ITIH6: variants seen among roughly 807,000 people sequenced by gnomAD.
The protein encoded by ITIH6 is inter-alpha-trypsin inhibitor heavy chain family member 6.
ITIH6 carries 60 observed loss-of-function variants against 58.2 expected under a neutral mutation model. The observed-to-expected ratio is 1.03, with a 90% CI of 0.84 to 1.28. The LOEUF (loss-of-function observed/expected upper bound fraction) is 1.28, where lower values mean the gene tolerates loss of function less well. Among genes scored for constraint, ITIH6 ranks in the 50% most tolerant of loss-of-function variants. The pLI is 0.00. For missense variants in ITIH6, 1,290 were observed against 1,021.1 expected, an observed-to-expected ratio of 1.26 and a Z score of -3.59; for synonymous variants, 493 against 417.4, an observed-to-expected ratio of 1.18 and a Z score of -2.21.
In ITIH6 at chrX:54,757,685, G is replaced by C; in HGVS notation, c.2389C>G (p.Leu797Val). 8.3e-7 allele frequency: 1 copy of C among 1,211,023 alleles called. No homozygotes were observed. The highest frequency in any genetic ancestry group is 2.3e-4 in the Middle Eastern group (1 of 4,354). Residue 797 changes from leucine to valine, a missense_variant, in exon 8 of 13, where the codon CTC (leucine) becomes GTC (valine). By Grantham distance (32) the Leu-to-Val change is conservative (BLOSUM62 1). Transcript: ENST00000218436. The part of the protein sequence containing the change: ...GAPSHPQLGA[L>V]TSQAPKGLPQ... ...AGGCCTTTAGGTGCCTGTGATGTGAGTGCCCCAAGTTGGGGGTGCGATGGA... is the reference window on the plus strand; with the variant it reads ...AGGCCTTTAGGTGCCTGTGATGTGACTGCCCCAAGTTGGGGGTGCGATGGA...
Position 54,756,997 on chromosome X carries a change from G to A in ITIH6, c.3077C>T (p.Ala1026Val). 5.8e-6 allele frequency: 7 copies of A among 1,201,102 alleles called. No individual in the cohort carries two copies. The highest frequency in any genetic ancestry group is 7.9e-6 in the Non-Finnish European group (7 of 889,615). Residue 1026 changes from alanine to valine, a missense_variant, in exon 8 of 13, where the codon GCT (alanine) becomes GTT (valine). Physicochemically the swap from Ala to Val is moderately conservative, Grantham distance 64. Transcript: ENST00000218436. Reference sequence around the variant, plus strand: ...ATCAGGAGTGAGGAAGGTATAGAAAGCTGGTGGGTTCAAGGACTCCACGAA... The same window carrying A: ...ATCAGGAGTGAGGAAGGTATAGAAAACTGGTGGGTTCAAGGACTCCACGAA... Reference protein sequence around the residue: ...SKFVESLNPPAFYTFLTPDED... With the variant: ...SKFVESLNPPVFYTFLTPDED...
intron 6 of ITIH6, among the ~76,000 whole-genome samples, chrX:54,761,005 A>G (rs960704886): frequency 9.0e-6 from 1 of 111,342 alleles, no homozygotes; most frequent in Admixed American, 9.5e-5. Context: ...TCCCTGAGGA[A>G]TCGCCACACT....
chrX:54,774,280 G>T, intron 5 of ITIH6, 83 bp from the exon 6 acceptor site: 2 of 453,928 alleles, frequency 4.4e-6, no homozygotes, highest in Non-Finnish European at 7.3e-6. Flanking sequence ...TTATTTTCCT[G>T]CATAACACTG....
intron 5 of ITIH6, among the ~76,000 whole-genome samples, chrX:54,777,536 C>T (rs778564102): frequency 3.6e-4 from 40 of 112,548 alleles, no homozygotes; most frequent in Non-Finnish European, 6.6e-4. Flanking sequence ...TCTGACCCAA[C>T]GCAGTCATAG....
Position 54,758,534 on chromosome X carries a change from G to T in ITIH6, c.1540C>A (p.Gln514Lys). 1 of 1,211,254 alleles carries T rather than the reference G, an allele frequency of 8.3e-7. No individual in the cohort carries two copies. Reference sequence around the variant, plus strand: ...GCTGCCAGGTGGATGCCCAGTTCCTGTTTGCCTGGCTGCACCTGTCCTGCC... The same window carrying T: ...GCTGCCAGGTGGATGCCCAGTTCCTTTTTGCCTGGCTGCACCTGTCCTGCC... ...VVAGQVQPGK[Q>K]ELGIHLAARG... Residue 514 changes from glutamine (Q) to lysine (K), a missense_variant, in exon 8 of 13, where the codon CAG (glutamine) becomes AAG (lysine). Coordinates refer to ENST00000218436, the MANE Select transcript of ITIH6 (RefSeq NM_198510.3).
intron 6 of ITIH6, among the ~76,000 whole-genome samples, chrX:54,773,695 A>C (rs1406102632): frequency 1.0e-5 from 1 of 99,793 alleles, no homozygotes; most frequent in Non-Finnish European, 2.1e-5. Context: ...CCTTTAAAGT[A>C]AAAAAAAAAA....
At chrX:54,777,042 C>T (rs750704571) in intron 5 of ITIH6, among the ~76,000 whole-genome samples, 21 of 112,142 alleles carry the variant, frequency 1.9e-4, no homozygotes, top group African/African-American at 6.1e-4. Flanking sequence ...ATCCAACTTC[C>T]GGGCCTGCCC....
chrX:54,757,501 G>T lies in ITIH6; in HGVS notation c.2573C>A (p.Pro858Gln). 8.3e-7 allele frequency: 1 copy of T among 1,210,899 alleles called. No individual in the cohort carries two copies. Among genetic ancestry groups the T allele is most frequent in the South Asian group, 1.8e-5 (1 of 56,925 alleles). Residue 858 changes from proline to glutamine, a missense_variant, in exon 8 of 13, where the codon CCG (proline) becomes CAG (glutamine). Physicochemically the swap from Pro to Gln is moderately conservative, Grantham distance 76. Transcript: ENST00000218436. Reference protein sequence around the residue: ...KTPKILLSLKPSAPPHQISTS... With the variant: ...KTPKILLSLKQSAPPHQISTS... ...GGAAATTTGGTGTGGTGGGGCACTC[G>T]GTTTAAGAGATAATAAGATTTTAGG...
chrX:54,779,453 TGTTAA>T (rs1026762338), intron 5 of ITIH6, among the ~76,000 whole-genome samples: 2 of 111,784 alleles, frequency 1.8e-5, no homozygotes, highest in African/African-American at 6.5e-5. Context: ...GTGCAAACAG[TGTTAA>T]GTTGTTATCA....
Position 54,798,195 on chromosome X carries a change from A to T in ITIH6, c.16T>A (p.Tyr6Asn), listed in dbSNP as rs1929478262. 8.5e-7 allele frequency: 1 copy of T among 1,173,425 alleles called. No individual in the cohort carries two copies. The highest frequency in any genetic ancestry group is 1.9e-5 in the South Asian group (1 of 52,210). The change falls in exon 1 of 13, where the codon TAC (tyrosine) becomes AAC (asparagine). Residue 6 changes from tyrosine to asparagine, a missense_variant. Coordinates refer to ENST00000218436, the MANE Select transcript of ITIH6 (RefSeq NM_198510.3). Reference sequence around the variant, plus strand: ...AGCAAAAAGCTGACACAGATGAGGTACCTCCACCCAGACATGATGCCACCT... The same window carrying T: ...AGCAAAAAGCTGACACAGATGAGGTTCCTCCACCCAGACATGATGCCACCT... Reference protein sequence around the residue: MSGWRYLICVSFLLTI... With the variant: MSGWRNLICVSFLLTI...
chrX:54,750,868 A>G, intron 12 of ITIH6, 135 bp downstream of exon 12: 1 of 671,284 alleles, frequency 1.5e-6, no homozygotes, highest in Non-Finnish European at 2.2e-6. Context: ...TCCTCTCCCA[A>G]GATGAGGAGC....
At chrX:54,792,540 A>G (rs1929368119) in intron 2 of ITIH6, among the ~76,000 whole-genome samples, 2 of 111,691 alleles carry the variant, frequency 1.8e-5, no homozygotes, top group African/African-American at 6.5e-5. Context: ...GGTAAATAAT[A>G]TGGCCATATT....
chrX:54,786,481 T>A (rs1458246384), intron 5 of ITIH6, among the ~76,000 whole-genome samples: 1 of 111,889 alleles, frequency 8.9e-6, no homozygotes, highest in Non-Finnish European at 1.9e-5. Context: ...TCCAGCCTTC[T>A]ATGTGGCTCT....
Position 54,749,457 on chromosome X carries a change from C to G in ITIH6, c.*438G>C. On this transcript the variant is annotated 3_prime_UTR_variant, in exon 13 of 13. Transcript: ENST00000218436. The stretch of plus-strand genomic sequence containing the variant: ...GGATTTGAAGGATGAATTATACTCA[C>G]CTACAGGAACAAAGGAAGAGTGTTT... 1.7e-5 allele frequency: 2 copies of G among 120,594 alleles called. No individual in the cohort carries two copies. Among genetic ancestry groups the G allele is most frequent in the Non-Finnish European group, 3.4e-5 (2 of 58,360 alleles). 9.9% of individuals were successfully genotyped at this position (120,594 alleles called of 1,213,427 possible). A position where few individuals can be genotyped will look rare whatever the true frequency, so the allele number is the denominator to read the frequency against.
At chrX:54,783,452 C>T (rs1410869209) in intron 5 of ITIH6, among the ~76,000 whole-genome samples, 1 of 111,925 alleles carries the variant, frequency 8.9e-6, no homozygotes, top group African/African-American at 3.2e-5. Flanking sequence ...AAAGATCCCA[C>T]AAAATATATT....
At chrX:54,795,331 A>T (rs1929421382) in intron 2 of ITIH6, among the ~76,000 whole-genome samples, 1 of 112,553 alleles carries the variant, frequency 8.9e-6, no homozygotes, top group South Asian at 3.7e-4. Flanking sequence ...TAATATTTAT[A>T]TGCTTCATAA....
Position 54,755,040 on chromosome X carries a change from C to T in ITIH6, c.3179G>A (p.Gly1060Glu), listed in dbSNP as rs1326311721. 1.2e-5 allele frequency: 15 copies of T among 1,209,283 alleles called. No individual in the cohort carries two copies. Among genetic ancestry groups the T allele is most frequent in the Non-Finnish European group, 1.7e-5 (15 of 894,319 alleles). ...ACCTTTTGCTAACCCCACAGAACTT[C>T]CTTGAGATTCCATGCTGCCTCCAGC... is the stretch of plus-strand genomic sequence containing the variant. Reference protein sequence around the residue: ...GGAGGSMESQGSSVGLAKGTL... With the variant: ...GGAGGSMESQESSVGLAKGTL... The change falls in exon 9 of 13, where the codon GGA (glycine) becomes GAA (glutamate). Residue 1060 changes from glycine to glutamate, a missense_variant. Gly to Glu is a moderately conservative substitution (Grantham distance 98). Coordinates refer to ENST00000218436, the MANE Select transcript of ITIH6 (RefSeq NM_198510.3).
Position 54,755,058 on chromosome X carries a change from C to T in ITIH6, c.3161G>A (p.Gly1054Asp), listed in dbSNP as rs753713377. 2 of 1,210,757 alleles carry T rather than the reference C, an allele frequency of 1.7e-6. No homozygotes were observed. The highest frequency in any genetic ancestry group is 3.0e-5 in the East Asian group (1 of 33,807). The stretch of plus-strand genomic sequence containing the variant: ...AGAACTTCCTTGAGATTCCATGCTG[C>T]CTCCAGCTCCTCCCAGGATCTCCTC... Reference protein sequence around the residue: ...NSEEILGGAGGSMESQGSSVG... With the variant: ...NSEEILGGAGDSMESQGSSVG... The change falls in exon 9 of 13, where the codon GGC becomes GAC. Residue 1054 changes from glycine to aspartate, a missense_variant. Physicochemically the swap from Gly to Asp is moderately conservative, Grantham distance 94. Coordinates refer to ENST00000218436, the MANE Select transcript of ITIH6 (RefSeq NM_198510.3).
At chrX:54,780,239 G>C (rs1321439397) in intron 5 of ITIH6, among the ~76,000 whole-genome samples, 1 of 111,724 alleles carries the variant, frequency 9.0e-6, no homozygotes, top group African/African-American at 3.3e-5. Context: ...TTCAGCACAT[G>C]GTTCATTCTC....
Sources: allele counts gnomAD v4.1 joint callset (sites outside exome capture counted in the v4.1 genomes callset), GRCh38; gene constraint gnomAD v4.1.1; transcripts MANE v1.5; gene names NCBI Gene and HGNC (gene_info 2026-07-23, HGNC 2026-07-21).